BBS9: variants seen among roughly 807,000 people sequenced by gnomAD.
The protein encoded by BBS9 is Bardet-Biedl syndrome 9, also known as protein PTHB1.
Under a neutral mutation model 117.7 loss-of-function variants are expected in BBS9, and 89 were observed. The ratio of observed to expected loss-of-function variants is 0.76; its 90% CI spans 0.64 to 0.90. The LOEUF is 0.90. Ranked by LOEUF, BBS9 falls within the 40% of genes least tolerant of loss-of-function variation. The pLI is 0.00. For synonymous variants in BBS9, 379 were observed against 370.9 expected (o/e 1.02, Z -0.25); for missense variants, 982 against 1,042.2 (o/e 0.94, Z 0.80).
chr7:33,498,728 T>G (rs1427262057), intron 19 of BBS9, among the ~76,000 whole-genome samples: 1 of 152,242 alleles, frequency 6.6e-6, no homozygotes, highest in Non-Finnish European at 1.5e-5. Flanking sequence ...TTCCATTATA[T>G]GAATATGCCA....
intron 10 of BBS9, among the ~76,000 whole-genome samples, chr7:33,337,266 C>A (rs1815578385): frequency 1.3e-5 from 2 of 152,012 alleles, no homozygotes; most frequent in South Asian, 4.1e-4. Flanking sequence ...ACCAATCCTG[C>A]AGTTTGAGTT....
chr7:33,439,411 C>A (rs1404594061), intron 19 of BBS9, among the ~76,000 whole-genome samples: 1 of 152,074 alleles, frequency 6.6e-6, no homozygotes, highest in African/African-American at 2.4e-5. Context: ...TCTGATGTGA[C>A]CCATGATTTC....
intron 9 of BBS9, among the ~76,000 whole-genome samples, chr7:33,334,401 C>A (rs965715956): frequency 5.9e-5 from 9 of 152,130 alleles, no homozygotes; most frequent in Non-Finnish European, 8.8e-5. Flanking sequence ...AAGCCCCCCC[C>A]AGAGGTCTGC....
At chr7:33,617,908 A>C (rs1865220555) in intron 21 of BBS9, among the ~76,000 whole-genome samples, 1 of 152,208 alleles carries the variant, frequency 6.6e-6, no homozygotes, top group Non-Finnish European at 1.5e-5. Context: ...TAATCAAGCC[A>C]ACTAACATAT....
chr7:33,579,102 CA>C (rs1859443779), intron 21 of BBS9, among the ~76,000 whole-genome samples: 2 of 152,208 alleles, frequency 1.3e-5, no homozygotes, highest in African/African-American at 4.8e-5. Flanking sequence ...TAAGTCCTGA[CA>C]ACTTGAAAAT....
intron 9 of BBS9, among the ~76,000 whole-genome samples, chr7:33,304,654 C>T (rs997696782): frequency 1.3e-5 from 2 of 152,092 alleles, no homozygotes; most frequent in South Asian, 2.1e-4. Flanking sequence ...CAGCGACCAT[C>T]GAGAATGGGC....
intron 21 of BBS9, among the ~76,000 whole-genome samples, chr7:33,628,138 C>T (rs1385333258): frequency 6.6e-6 from 1 of 152,156 alleles, no homozygotes; most frequent in Non-Finnish European, 1.5e-5. Context: ...GAAAACACGT[C>T]AGAGGAAACA....
At position 33,418,745 on chromosome 7, in the gene BBS9, A is replaced by G. The variant is rs555637529; in HGVS notation, c.2115+30601A>G. ...TAACCCTGCAGGAGAAGCCTTTCCC[A>G]GTCTAGCGTAGTGTTGAGAAGACAT... On this transcript the variant is annotated intron_variant, in intron 19 of 22. Transcript: ENST00000242067. 2.6e-5 allele frequency among the ~76,000 whole-genome samples: 4 copies of G among 152,290 alleles called. No homozygotes were observed. The East Asian group carries it at 5.8e-4, about 22-fold the overall frequency.
At chr7:33,333,852 T>G (rs1584374477) in intron 9 of BBS9, among the ~76,000 whole-genome samples, 1 of 152,174 alleles carries the variant, frequency 6.6e-6, no homozygotes, top group Non-Finnish European at 1.5e-5. Context: ...CCTCAAGCGA[T>G]CCACCTGCCT....
intron 19 of BBS9, among the ~76,000 whole-genome samples, chr7:33,420,322 A>G (rs1286127323): frequency 6.6e-6 from 1 of 152,192 alleles, no homozygotes; most frequent in Non-Finnish European, 1.5e-5. Flanking sequence ...CAAATGGCTT[A>G]TCAGTGCTGG....
At chr7:33,516,505 A>AAAAG (rs1554516780) in intron 20 of BBS9, among the ~76,000 whole-genome samples, 11 of 150,946 alleles carry the variant, frequency 7.3e-5, no homozygotes, top group African/African-American at 2.7e-4. Flanking sequence ...AAAAAAAAAA[A>AAAAG]AAAAAAGAGT....
At chr7:33,473,149 C>T (rs1357130137) in intron 19 of BBS9, among the ~76,000 whole-genome samples, 2 of 152,176 alleles carry the variant, frequency 1.3e-5, no homozygotes, top group African/African-American at 2.4e-5. Context: ...ATGTCTTCCC[C>T]TACCAGTTAG....
At chr7:33,611,527 T>A (rs1342187609) in intron 21 of BBS9, among the ~76,000 whole-genome samples, 1 of 141,516 alleles carries the variant, frequency 7.1e-6, no homozygotes, top group African/African-American at 2.6e-5. Flanking sequence ...AATATTAAAG[T>A]ATTATATTTA....
chr7:33,323,601 A>C (rs994325229), intron 9 of BBS9, among the ~76,000 whole-genome samples: 4 of 151,794 alleles, frequency 2.6e-5, no homozygotes, highest in Non-Finnish European at 5.9e-5. Flanking sequence ...ATATTTTATC[A>C]TTCTTTTATT....
chr7:33,133,202 T>C (rs1360881351), intron 1 of BBS9, among the ~76,000 whole-genome samples: 8 of 152,194 alleles, frequency 5.3e-5, no homozygotes, highest in African/African-American at 1.9e-4. Context: ...TGAACCCCCA[T>C]GTATCCATCA....
chr7:33,620,480 AAAT>A (rs1277735925), intron 21 of BBS9, among the ~76,000 whole-genome samples: 3 of 152,066 alleles, frequency 2.0e-5, no homozygotes, highest in Non-Finnish European at 4.4e-5. Context: ...CCTGAAAAAG[AAAT>A]CAAGAAAAAT....
At chr7:33,565,712 T>C (rs1431993618) in intron 21 of BBS9, among the ~76,000 whole-genome samples, 2 of 142,338 alleles carry the variant, frequency 1.4e-5, no homozygotes, top group Non-Finnish European at 3.1e-5. Flanking sequence ...GAAACTTGCA[T>C]AATAGCCAGC....
chr7:33,432,951 A>G (rs959762762), intron 19 of BBS9, among the ~76,000 whole-genome samples: 2 of 152,160 alleles, frequency 1.3e-5, no homozygotes, highest in African/African-American at 4.8e-5. Flanking sequence ...TCAGACCCTC[A>G]GTTGAAAAGG....
intron 19 of BBS9, among the ~76,000 whole-genome samples, chr7:33,484,790 T>C (rs1228962055): frequency 6.6e-6 from 1 of 152,232 alleles, no homozygotes. Context: ...ATCCCATTAC[T>C]GGGTATATAC....
Sources: gnomAD v4.1 joint callset for allele counts (sites outside exome capture counted in the v4.1 genomes callset) on GRCh38, gnomAD v4.1.1 for gene constraint, MANE v1.5 for transcripts, NCBI Gene and HGNC (gene_info 2026-07-23, HGNC 2026-07-21) for gene names.